Variants in NSMCE2 observed in about 807,000 individuals in gnomAD.
The protein encoded by NSMCE2 is NSE2 SUMO ligase component of SMC5/6 complex, also known as E3 SUMO-protein ligase NSE2.
NSMCE2 carries 24 observed loss-of-function variants against 23.8 expected under a neutral mutation model. The ratio of observed to expected loss-of-function variants is 1.01; its 90% CI spans 0.73 to 1.42. The LOEUF is 1.42. NSMCE2 is among the 40% of genes most tolerant of loss of function. The pLI is 0.00. For missense variants in NSMCE2, 284 were observed against 296.5 expected, an observed-to-expected ratio of 0.96 and a Z score of 0.31; for synonymous variants, 92 against 94.1, an observed-to-expected ratio of 0.98 and a Z score of 0.13.
intron 7 of NSMCE2, among the ~76,000 whole-genome samples, chr8:125,365,392 C>G (rs1813737821): frequency 6.6e-6 from 1 of 152,172 alleles, no homozygotes; most frequent in South Asian, 2.1e-4. Flanking sequence ...CCGAGCTGCC[C>G]TCACCTCTCT....
At chr8:125,308,134 G>A (rs1299850681) in intron 5 of NSMCE2, among the ~76,000 whole-genome samples, 2 of 152,068 alleles carry the variant, frequency 1.3e-5, no homozygotes, top group Middle Eastern at 3.4e-3. Context: ...CGGAGGCATG[G>A]GAGTTTATAT....
intron 1 of NSMCE2, chr8:125,094,416 A>G (rs1409170441): frequency 4.6e-5 from 7 of 152,166 alleles, no homozygotes; most frequent in Admixed American, 4.6e-4. Context: ...TGCACCATCC[A>G]TTGCCTTTGC....
intron 5 of NSMCE2, among the ~76,000 whole-genome samples, chr8:125,257,556 C>T (rs180889727): frequency 0.054 from 6,157 of 114,060 alleles, 209 homozygotes; most frequent in South Asian, 0.19. Context: ...TTTTCTGAGA[C>T]GGAGTCTCGC....
At chr8:125,238,374 G>T (rs1399095228) in intron 5 of NSMCE2, among the ~76,000 whole-genome samples, 1 of 152,152 alleles carries the variant, frequency 6.6e-6, no homozygotes, top group Non-Finnish European at 1.5e-5. Flanking sequence ...TCTGTGACAT[G>T]TTCAGCTTAT....
rs185881870 is a variant in NSMCE2 at position 125,095,874 on chromosome 8, C to T, written c.-111+3916C>T. Among the ~76,000 whole-genome samples, 994 of 137,636 alleles carry T rather than the reference C, an allele frequency of 7.2e-3. 8 individuals carry two copies. Among genetic ancestry groups the T allele is most frequent in the African/African-American group, 0.027 (954 of 35,842 alleles). The allele number at this position is 137,636 out of a possible 152,430, so 90.3% of individuals were successfully genotyped here. A position where few individuals can be genotyped will look rare whatever the true frequency, so the allele number is the denominator to read the frequency against. Reference sequence around the variant, plus strand: ...TCCAGCCTGAGGGACAAGAGCAAAACTCCATCTCAAAAAAAAAAAAAAAAA... The same window carrying T: ...TCCAGCCTGAGGGACAAGAGCAAAATTCCATCTCAAAAAAAAAAAAAAAAA... On this transcript the variant is annotated intron_variant, in intron 1 of 7. Transcript: ENST00000287437.
At position 125,223,532 on chromosome 8, in the gene NSMCE2, G is replaced by GT. The variant is rs1353247021; in HGVS notation, c.418+41282dup. Among the ~76,000 whole-genome samples, 3 of 152,268 alleles carry GT rather than the reference G, an allele frequency of 2.0e-5. No individual in the cohort carries two copies. In the East Asian group the frequency reaches 5.8e-4, roughly 29 times the overall value. Reference sequence around the variant, plus strand: ...GGATCATATGGTAGCTCTATTTGTAGTTTTTTGAGGAACTTCCATACTGTT... The same window carrying GT: ...GGATCATATGGTAGCTCTATTTGTAGTTTTTTTGAGGAACTTCCATACTGTT... On this transcript the variant is annotated intron_variant, in intron 5 of 7. Coordinates refer to ENST00000287437, the MANE Select transcript of NSMCE2 (RefSeq NM_173685.4).
intron 3 of NSMCE2, among the ~76,000 whole-genome samples, chr8:125,124,515 G>C (rs1315360232): frequency 6.7e-6 from 1 of 149,980 alleles, no homozygotes; most frequent in African/African-American, 2.5e-5. Context: ...GTCTCACTCT[G>C]TTGCCCAGGC....
intron 5 of NSMCE2, among the ~76,000 whole-genome samples, chr8:125,207,443 TC>T (rs1824159134): frequency 6.6e-6 from 1 of 152,220 alleles, no homozygotes. Context: ...TTTACTTTAA[TC>T]ATAATTTGAT....
chr8:125,287,921 C>T (rs1827962984), intron 5 of NSMCE2, among the ~76,000 whole-genome samples: 1 of 152,188 alleles, frequency 6.6e-6, no homozygotes, highest in Non-Finnish European at 1.5e-5. Context: ...CCCAGATACT[C>T]ATTACTCCCT....
intron 5 of NSMCE2, among the ~76,000 whole-genome samples, chr8:125,259,146 C>G (rs750736473): frequency 1.0e-3 from 155 of 152,136 alleles, no homozygotes; most frequent in Non-Finnish European, 1.7e-3. Context: ...GGTGATCCGC[C>G]CACTTCATGC....
chr8:125,272,201 A>G (rs1827230182), intron 5 of NSMCE2, among the ~76,000 whole-genome samples: 1 of 151,370 alleles, frequency 6.6e-6, no homozygotes, highest in African/African-American at 2.4e-5. Context: ...TTTTTAGTAG[A>G]GACGGGGTTT....
intron 5 of NSMCE2, among the ~76,000 whole-genome samples, chr8:125,236,139 G>T (rs1013936293): frequency 6.6e-6 from 1 of 152,202 alleles, no homozygotes; most frequent in African/African-American, 2.4e-5. Context: ...TCAGAAAGAA[G>T]TGGAGAACTG....
At chr8:125,146,095 G>A (rs1475144373) in intron 3 of NSMCE2, among the ~76,000 whole-genome samples, 1 of 152,176 alleles carries the variant, frequency 6.6e-6, no homozygotes, top group Non-Finnish European at 1.5e-5. Flanking sequence ...CCTCTGAGTG[G>A]CATTGTCTAG....
chr8:125,139,895 T>C (rs944234814), intron 3 of NSMCE2, among the ~76,000 whole-genome samples: 1 of 152,242 alleles, frequency 6.6e-6, no homozygotes, highest in African/African-American at 2.4e-5. Context: ...AGCACAGAGA[T>C]ACAATTTTCA....
intron 3 of NSMCE2, among the ~76,000 whole-genome samples, chr8:125,132,667 G>A (rs1400281881): frequency 1.3e-5 from 2 of 151,922 alleles, no homozygotes; most frequent in African/African-American, 4.8e-5. Flanking sequence ...GTCATTCTTT[G>A]TATTTTTAGT....
At position 125,357,777 on chromosome 8, in the gene NSMCE2, T is replaced by C; in HGVS notation, c.585T>C (p.Val195=). ...CGHTYEEDAI[V]RMIESRQKRK... is the part of the protein sequence containing the mutation. The stretch of plus-strand genomic sequence containing the variant: ...ACACCTATGAAGAGGACGCCATTGT[T>C]CGCATGATTGAGTCCAGGCAAAAGC... The change falls in exon 7 of 8, where the codon GTT becomes GTC. Residue 195 remains valine (V), a synonymous_variant. Transcript: ENST00000287437. The C allele has an allele frequency of 6.2e-7, 1 of 1,614,210 alleles. No homozygotes were observed. Among genetic ancestry groups the C allele is most frequent in the African/African-American group, 1.3e-5 (1 of 75,064 alleles).
intron 5 of NSMCE2, among the ~76,000 whole-genome samples, chr8:125,318,680 A>G (rs1243788597): frequency 6.6e-6 from 1 of 152,208 alleles, no homozygotes; most frequent in Non-Finnish European, 1.5e-5. Context: ...AGAAAAAAAA[A>G]GAAAACAAAA....
chr8:125,288,656 A>G (rs1447954172), intron 5 of NSMCE2, among the ~76,000 whole-genome samples: 1 of 151,942 alleles, frequency 6.6e-6, no homozygotes, highest in African/African-American at 2.4e-5. Flanking sequence ...ATTCTTATAG[A>G]CTTATTTCAG....
intron 5 of NSMCE2, among the ~76,000 whole-genome samples, 179 bp from the exon 6 acceptor site, chr8:125,357,040 T>G (rs1813310754): frequency 6.6e-6 from 1 of 152,170 alleles, no homozygotes; most frequent in Admixed American, 6.5e-5. Flanking sequence ...TCAAAAATAG[T>G]CAGAATGAGG....
Sources: gnomAD v4.1 joint callset for allele counts (sites outside exome capture counted in the v4.1 genomes callset) on GRCh38, gnomAD v4.1.1 for gene constraint, MANE v1.5 for transcripts, NCBI Gene and HGNC (gene_info 2026-07-23, HGNC 2026-07-21) for gene names.